NR2C2: variants seen among roughly 807,000 people sequenced by gnomAD.
NR2C2 encodes nuclear receptor subfamily 2 group C member 2.
Under a neutral mutation model 62.9 loss-of-function variants are expected in NR2C2, and 6 were observed. That is an observed-to-expected ratio of 0.10 (90% CI 0.05 to 0.19). The LOEUF (loss-of-function observed/expected upper bound fraction) is 0.19, where lower values mean the gene tolerates loss of function less well. NR2C2 is among the 10% of genes least tolerant of loss of function. The probability of loss-of-function intolerance (pLI) is 1.00; values close to 1 mark genes in which losing one functional copy is unlikely to be tolerated. For synonymous variants in NR2C2, 272 were observed against 273.8 expected (o/e 0.99, Z 0.07); for missense variants, 479 against 762.7 (o/e 0.63, Z 4.38).
At chr3:14,989,443 C>A (rs1250641894) in intron 1 of NR2C2, among the ~76,000 whole-genome samples, 1 of 152,030 alleles carries the variant, frequency 6.6e-6, no homozygotes, top group Non-Finnish European at 1.5e-5. Flanking sequence ...GTAACACAGT[C>A]CATATATTCT....
chr3:14,979,806 G>A (rs1448140823), intron 1 of NR2C2, among the ~76,000 whole-genome samples: 1 of 152,022 alleles, frequency 6.6e-6, no homozygotes, highest in African/African-American at 2.4e-5. Context: ...GATCATTCTG[G>A]GTATTATAGG....
At chr3:14,963,628 G>A (rs1300449768) in intron 1 of NR2C2, among the ~76,000 whole-genome samples, 5 of 151,856 alleles carry the variant, frequency 3.3e-5, no homozygotes, top group African/African-American at 1.2e-4. Context: ...GCCACACCAC[G>A]CCCGGCTAAT....
chr3:14,994,752 T>TA (rs546377971), intron 1 of NR2C2, among the ~76,000 whole-genome samples: 38,662 of 127,448 alleles, frequency 0.3, 5,950 homozygotes, highest in Middle Eastern at 0.39. Context: ...ATTCATTCTT[T>TA]AAAAAAAAAA....
intron 2 of NR2C2, among the ~76,000 whole-genome samples, chr3:15,007,037 A>T (rs2041193961): frequency 6.6e-6 from 1 of 151,810 alleles, no homozygotes; most frequent in Admixed American, 6.6e-5. Flanking sequence ...GGCCTCCCAA[A>T]GTGCTGGGAT....
At chr3:15,035,517 G>C (rs556008604) in intron 11 of NR2C2, among the ~76,000 whole-genome samples, 2 of 152,376 alleles carry the variant, frequency 1.3e-5, no homozygotes, top group South Asian at 2.1e-4. Context: ...ATAAAGTAGG[G>C]ACTATTACCT....
chr3:15,014,667 C>A (rs2041456085), intron 3 of NR2C2, among the ~76,000 whole-genome samples: 1 of 152,094 alleles, frequency 6.6e-6, no homozygotes, highest in Non-Finnish European at 1.5e-5. Context: ...CTCCCCCAGC[C>A]CCTGGTGACC....
intron 9 of NR2C2, among the ~76,000 whole-genome samples, chr3:15,030,752 T>C (rs1173589666): frequency 6.6e-6 from 1 of 152,130 alleles, no homozygotes; most frequent in Non-Finnish European, 1.5e-5. Flanking sequence ...CACTTGAACC[T>C]GGGAGGCAGA....
chr3:14,951,262 C>T (rs946246780), intron 1 of NR2C2, among the ~76,000 whole-genome samples: 1 of 152,028 alleles, frequency 6.6e-6, no homozygotes, highest in Non-Finnish European at 1.5e-5. Context: ...GCCATTAATT[C>T]GGGATATTTA....
chr3:15,033,428 T>C (rs1211915113), intron 10 of NR2C2, among the ~76,000 whole-genome samples: 1 of 152,202 alleles, frequency 6.6e-6, no homozygotes, highest in African/African-American at 2.4e-5. Context: ...AGTGTGGTTC[T>C]GTGGGTCAGG....
At chr3:14,976,415 ATTTTC>A (rs571258818) in intron 1 of NR2C2, among the ~76,000 whole-genome samples, 47 of 152,150 alleles carry the variant, frequency 3.1e-4, no homozygotes, top group African/African-American at 1.1e-3. Context: ...TCCAGATACT[ATTTTC>A]TATTCAAATC....
chr3:15,007,910 T>C (rs1167408436), intron 2 of NR2C2, among the ~76,000 whole-genome samples: 1 of 152,214 alleles, frequency 6.6e-6, no homozygotes, highest in Non-Finnish European at 1.5e-5. Context: ...CAAGGGCTTA[T>C]GTAACTGCTC....
At chr3:14,993,107 T>C (rs1450984683) in intron 1 of NR2C2, among the ~76,000 whole-genome samples, 1 of 152,214 alleles carries the variant, frequency 6.6e-6, no homozygotes. Context: ...TTTTATATCC[T>C]TTTTACCAAA....
Position 15,043,124 on chromosome 3 carries a change from T to C in NR2C2, c.*116T>C. ...ATTTCCATATGTTAGCCATTTCCTG[T>C]CTGGTTTCTCCTTATCTGTTAATCC... On this transcript the variant is annotated 3_prime_UTR_variant, in exon 14 of 14. Coordinates refer to ENST00000425241, the MANE Select transcript of NR2C2 (RefSeq NM_001291694.2). The C allele has an allele frequency of 2.1e-6, 2 of 964,986 alleles. No individual in the cohort carries two copies. Among genetic ancestry groups the C allele is most frequent in the Non-Finnish European group, 1.4e-6 (1 of 690,008 alleles). The allele number at this position is 964,986 out of a possible 1,614,324, so 59.8% of individuals were successfully genotyped here.
At chr3:14,962,895 G>A (rs763412378) in intron 1 of NR2C2, among the ~76,000 whole-genome samples, 1 of 152,152 alleles carries the variant, frequency 6.6e-6, no homozygotes, top group Non-Finnish European at 1.5e-5. Context: ...ATGGACCAGG[G>A]ATTGTACTAA....
At chr3:14,962,899 G>A (rs1010689969) in intron 1 of NR2C2, among the ~76,000 whole-genome samples, 1 of 152,288 alleles carries the variant, frequency 6.6e-6, no homozygotes, top group African/African-American at 2.4e-5. Flanking sequence ...ACCAGGGATT[G>A]TACTAAGTGC....
At chr3:14,957,073 A>G (rs1392796016) in intron 1 of NR2C2, among the ~76,000 whole-genome samples, 2 of 152,184 alleles carry the variant, frequency 1.3e-5, no homozygotes, top group African/African-American at 4.8e-5. Flanking sequence ...CTTCACTATA[A>G]CCTCATATGG....
At position 14,969,457 on chromosome 3, in the gene NR2C2, G is replaced by T. The variant is rs143405114; in HGVS notation, c.-40+21551G>T. ...GGGGTTTCACTGTGTTGGCCAGGCT[G>T]GTCTCGAACTCCTGACCTTGTGATT... On this transcript the variant is annotated intron_variant, in intron 1 of 13. Transcript: ENST00000425241. Among the ~76,000 whole-genome samples, 864 of 152,124 alleles carry T rather than the reference G, an allele frequency of 5.7e-3. 9 individuals are homozygous for T. The highest frequency in any genetic ancestry group is 0.02 in the African/African-American group (819 of 41,508).
At position 15,043,514 on chromosome 3, in the gene NR2C2, T is replaced by C. The variant is rs2042345586; in HGVS notation, c.*506T>C. 6.5e-6 allele frequency: 1 copy of C among 152,726 alleles called. No homozygotes were observed. Among genetic ancestry groups the C allele is most frequent in the Admixed American group, 6.5e-5 (1 of 15,290 alleles). 9.5% of individuals were successfully genotyped at this position (152,726 alleles called of 1,614,324 possible). On this transcript the variant is annotated 3_prime_UTR_variant, in exon 14 of 14. Coordinates refer to ENST00000425241, the MANE Select transcript of NR2C2 (RefSeq NM_001291694.2). ...AAACTGTGTATGTCTTTTGCCGAAATGCTAATGATTTCTGTGAAAACTCAC... is the reference window on the plus strand; with the variant it reads ...AAACTGTGTATGTCTTTTGCCGAAACGCTAATGATTTCTGTGAAAACTCAC...
intron 1 of NR2C2, among the ~76,000 whole-genome samples, chr3:14,981,602 CAAAAAAAAAAAA>C (rs927608192): frequency 2.4e-4 from 9 of 37,686 alleles, no homozygotes; most frequent in African/African-American, 1.2e-3. Flanking sequence ...GGCTCTGTCT[CAAAAAAAAAAAA>C]AAAAAAAAAG....
Sources: allele counts gnomAD v4.1 joint callset (sites outside exome capture counted in the v4.1 genomes callset), GRCh38; gene constraint gnomAD v4.1.1; transcripts MANE v1.5; gene names NCBI Gene and HGNC (gene_info 2026-07-23, HGNC 2026-07-21).